Variants in MAN1A1 observed in about 807,000 individuals in gnomAD.
MAN1A1 encodes the protein mannosidase alpha class 1A member 1, also known as mannosyl-oligosaccharide 1,2-alpha-mannosidase IA.
A neutral mutation model predicts 70.8 loss-of-function variants in MAN1A1; 29 were observed. The observed-to-expected ratio is 0.41, with a 90% CI of 0.31 to 0.56. The LOEUF (loss-of-function observed/expected upper bound fraction) is 0.56. Among genes scored for constraint, MAN1A1 ranks in the 20% least tolerant of loss-of-function variants. The pLI is 0.29. For missense variants in MAN1A1, 747 were observed against 841.3 expected (o/e 0.89, Z 1.39); for synonymous variants, 349 against 330.1 (o/e 1.06, Z -0.62).
At chr6:119,284,567 T>C (rs1776310754) in intron 5 of MAN1A1, among the ~76,000 whole-genome samples, 1 of 152,210 alleles carries the variant, frequency 6.6e-6, no homozygotes, top group Non-Finnish European at 1.5e-5. Flanking sequence ...TTTGTTTTTT[T>C]TCCCCTAAAT....
At chr6:119,294,582 G>A (rs917857392) in intron 4 of MAN1A1, among the ~76,000 whole-genome samples, 1 of 152,038 alleles carries the variant, frequency 6.6e-6, no homozygotes, top group Non-Finnish European at 1.5e-5. Context: ...TACATCAGTG[G>A]CAGTTTAAGA....
intron 3 of MAN1A1, among the ~76,000 whole-genome samples, chr6:119,303,344 G>A (rs1337766967): frequency 6.6e-6 from 1 of 152,132 alleles, no homozygotes; most frequent in Non-Finnish European, 1.5e-5. Context: ...AACAAGTCAT[G>A]TCTTATCTCC....
intron 2 of MAN1A1, among the ~76,000 whole-genome samples, chr6:119,325,678 A>G (rs1773128228): frequency 6.6e-6 from 1 of 152,182 alleles, no homozygotes; most frequent in African/African-American, 2.4e-5. Context: ...GTGGATTTTC[A>G]GTAGTCTTAC....
intron 6 of MAN1A1, among the ~76,000 whole-genome samples, chr6:119,230,650 T>C (rs552080796): frequency 1.6e-4 from 24 of 152,228 alleles, no homozygotes; most frequent in Non-Finnish European, 2.8e-4. Context: ...CCCTAGACTA[T>C]AAACTCTGTG....
At chr6:119,240,787 A>G (rs180941351) in intron 6 of MAN1A1, among the ~76,000 whole-genome samples, 46 of 152,356 alleles carry the variant, frequency 3.0e-4, no homozygotes, top group Non-Finnish European at 5.9e-4. Context: ...CTATCCTGTT[A>G]TAACTGTCCA....
chr6:119,223,922 G>C (rs977091488), intron 6 of MAN1A1, among the ~76,000 whole-genome samples: 1 of 152,134 alleles, frequency 6.6e-6, no homozygotes, highest in African/African-American at 2.4e-5. Flanking sequence ...CAAACTAACA[G>C]AGCATTAACC....
At chr6:119,258,184 T>C (rs554689631) in intron 5 of MAN1A1, among the ~76,000 whole-genome samples, 1 of 152,340 alleles carries the variant, frequency 6.6e-6, no homozygotes, top group East Asian at 1.9e-4. Flanking sequence ...TTCTATTTAC[T>C]ACTGCTTTCA....
At chr6:119,310,202 T>C (rs556000509) in intron 2 of MAN1A1, among the ~76,000 whole-genome samples, 4 of 152,244 alleles carry the variant, frequency 2.6e-5, no homozygotes, top group African/African-American at 4.8e-5. Flanking sequence ...CTAGTATGCA[T>C]AGACTTCATA....
At chr6:119,259,138 T>C (rs1775538236) in intron 5 of MAN1A1, among the ~76,000 whole-genome samples, 1 of 152,224 alleles carries the variant, frequency 6.6e-6, no homozygotes. Flanking sequence ...TCTATAGTCC[T>C]ACTGCTTCTT....
chr6:119,196,059 T>TG (rs1773561149), intron 8 of MAN1A1, among the ~76,000 whole-genome samples: 1 of 152,048 alleles, frequency 6.6e-6, no homozygotes, highest in South Asian at 2.1e-4. Context: ...ACTGACTCGA[T>TG]GAAGTGATAG....
At position 119,314,126 on chromosome 6, in the gene MAN1A1, T is replaced by C. The variant is rs75830270; in HGVS notation, c.604-7134A>G. Among the ~76,000 whole-genome samples the C allele has an allele frequency of 5.9e-3, 894 of 152,266 alleles. 30 individuals are homozygous for C. The East Asian group carries it at 0.09, about 15-fold the overall frequency. ...ACCAGCCCTGGTTCCCATAGCTCTG[T>C]GAGGAGCTTCTATTCCACTTCTAGC... On this transcript the variant is annotated intron_variant, in intron 2 of 12. Transcript: ENST00000368468.
intron 6 of MAN1A1, among the ~76,000 whole-genome samples, chr6:119,213,581 TA>T (rs1287632165): frequency 1.3e-5 from 2 of 152,218 alleles, no homozygotes; most frequent in Non-Finnish European, 2.9e-5. Flanking sequence ...TAGTCAGCGT[TA>T]AAGGACAATC....
intron 2 of MAN1A1, among the ~76,000 whole-genome samples, chr6:119,323,787 T>TA (rs1773080542): frequency 6.6e-6 from 1 of 152,154 alleles, no homozygotes; most frequent in South Asian, 2.1e-4. Context: ...ATCAAATAGC[T>TA]AAAATTGATA....
chr6:119,196,569 T>A lies in MAN1A1; in HGVS notation c.1211-2677A>T, dbSNP rs573534875. Reference sequence around the variant, plus strand: ...CAACTGCTCTAAAGGTGAGGTGTACTGTAGTCAGTCAAATATTACGCTCTT... The same window carrying A: ...CAACTGCTCTAAAGGTGAGGTGTACAGTAGTCAGTCAAATATTACGCTCTT... On this transcript the variant is annotated intron_variant, in intron 8 of 12. Coordinates refer to ENST00000368468, the MANE Select transcript of MAN1A1 (RefSeq NM_005907.4). Among the ~76,000 whole-genome samples, 3 of 152,314 alleles carry A rather than the reference T, an allele frequency of 2.0e-5. No homozygotes were observed. The South Asian group carries it at 6.2e-4, about 32-fold the overall frequency.
chr6:119,209,752 G>A (rs1027467801), intron 6 of MAN1A1, among the ~76,000 whole-genome samples: 5 of 152,092 alleles, frequency 3.3e-5, no homozygotes, highest in African/African-American at 1.2e-4. Context: ...TACACTCTTA[G>A]GACCTCACTA....
At position 119,349,530 on chromosome 6, in the gene MAN1A1, G is replaced by A. The variant is rs2114522193; in HGVS notation, c.-223+12C>T. On this transcript the variant is annotated intron_variant, in intron 1 of 12. Coordinates refer to ENST00000368468, the MANE Select transcript of MAN1A1 (RefSeq NM_005907.4). ...GGGCAGCGCGCGAGCACCTCGGGGA[G>A]GGGCAGCGCACCTCTGGGCAGGAGG... The A allele has an allele frequency of 5.1e-6, 5 of 985,884 alleles. No homozygotes were observed. The highest frequency in any genetic ancestry group is 6.0e-6 in the Non-Finnish European group (5 of 829,920). 61.1% of individuals were successfully genotyped at this position (985,884 alleles called of 1,614,324 possible).
At chr6:119,283,840 A>C (rs1776284690) in intron 5 of MAN1A1, among the ~76,000 whole-genome samples, 2 of 152,178 alleles carry the variant, frequency 1.3e-5, no homozygotes. Context: ...TTAAGGCCAC[A>C]TGGACCAGTG....
intron 2 of MAN1A1, 78 bp downstream of exon 2, chr6:119,348,385 T>G: frequency 7.3e-7 from 1 of 1,376,910 alleles, no homozygotes; most frequent in South Asian, 1.3e-5. Flanking sequence ...TGTTGCAGTC[T>G]TCAGAGTTTC....
intron 2 of MAN1A1, among the ~76,000 whole-genome samples, chr6:119,325,420 G>A (rs1304661195): frequency 1.3e-5 from 2 of 152,224 alleles, no homozygotes; most frequent in Non-Finnish European, 2.9e-5. Flanking sequence ...CACTTTGGGA[G>A]GCCGAGGTGG....
Sources: allele counts gnomAD v4.1 joint callset (sites outside exome capture counted in the v4.1 genomes callset), GRCh38; gene constraint gnomAD v4.1.1; transcripts MANE v1.5; gene names NCBI Gene and HGNC (gene_info 2026-07-23, HGNC 2026-07-21).